The following PRPSAP2 variants were observed in gnomAD, a reference collection of about 807,000 sequenced individuals.
The protein encoded by PRPSAP2 is phosphoribosyl pyrophosphate synthase-associated protein 2.
A neutral mutation model predicts 40.6 loss-of-function variants in PRPSAP2; 24 were observed. That is an observed-to-expected ratio of 0.59 (90% CI 0.43 to 0.83). The LOEUF is 0.83. Among genes scored for constraint, PRPSAP2 ranks in the 40% least tolerant of loss-of-function variants. PRPSAP2 has a pLI of 0.00. For synonymous variants in PRPSAP2, 149 were observed against 164.7 expected (o/e 0.90, Z 0.73); for missense variants, 292 against 465.6 (o/e 0.63, Z 3.43).
At chr17:18,919,235 G>A (rs549110469) in intron 9 of PRPSAP2, among the ~76,000 whole-genome samples, 2 of 152,220 alleles carry the variant, frequency 1.3e-5, no homozygotes, top group Non-Finnish European at 2.9e-5. Context: ...GCGGCTGGGC[G>A]CAGTGGCTCA....
chr17:18,857,141 C>CT (rs537648784), upstream of PRPSAP2, among the ~76,000 whole-genome samples: 9 of 152,188 alleles, frequency 5.9e-5, no homozygotes, highest in South Asian at 1.9e-3. Flanking sequence ...TGAGAACAGC[C>CT]TGGCCAACAT....
intron 9 of PRPSAP2, among the ~76,000 whole-genome samples, chr17:18,914,105 T>C (rs961417046): frequency 6.6e-6 from 1 of 150,710 alleles, no homozygotes; most frequent in Non-Finnish European, 1.5e-5. Context: ...ACCAGGGAGT[T>C]GGAGGTTGCA....
chr17:18,866,028 T>C, intron 3 of PRPSAP2, 76 bp downstream of exon 3: 2 of 1,077,460 alleles, frequency 1.9e-6, no homozygotes, highest in Non-Finnish European at 2.4e-6. Context: ...TTAGCAGTTA[T>C]TGTTAAATTT....
chr17:18,872,991 GC>G (rs1224397511), intron 5 of PRPSAP2, among the ~76,000 whole-genome samples: 2 of 151,270 alleles, frequency 1.3e-5, no homozygotes, highest in African/African-American at 4.9e-5. Flanking sequence ...TACAGTTGGC[GC>G]CACCACGCCT....
rs574203117 is a variant in PRPSAP2 at position 18,899,519 on chromosome 17, G to GTTTTTTT, written c.584+9662_584+9668dup. 8.3e-5 allele frequency among the ~76,000 whole-genome samples: 5 copies of GTTTTTTT among 60,576 alleles called. 1 individual carries two copies. The South Asian group carries it at 2.5e-3, about 30-fold the overall frequency. The allele number at this position is 60,576 out of a possible 152,430, so 39.7% of individuals were successfully genotyped here. On this transcript the variant is annotated intron_variant, in intron 8 of 11. Coordinates refer to ENST00000268835, the MANE Select transcript of PRPSAP2 (RefSeq NM_002767.4). ...TCTGCTGTTGAGTATATCCAACTGA[G>GTTTTTTT]TTTTTTTTTTTTTTTTTTTTTTTTT... is the stretch of plus-strand genomic sequence containing the variant.
At chr17:18,881,041 C>T (rs1411529208) in intron 6 of PRPSAP2, among the ~76,000 whole-genome samples, 1 of 151,646 alleles carries the variant, frequency 6.6e-6, no homozygotes, top group African/African-American at 2.4e-5. Flanking sequence ...ACCGTGTTGG[C>T]CAGGCTGGTC....
intron 9 of PRPSAP2, among the ~76,000 whole-genome samples, chr17:18,914,272 T>C (rs2041160720): frequency 7.1e-6 from 1 of 141,534 alleles, no homozygotes; most frequent in Non-Finnish European, 1.5e-5. Context: ...TTTTTTTTTT[T>C]TTTGAGACAG....
chr17:18,916,404 T>A (rs1219222013), intron 9 of PRPSAP2, among the ~76,000 whole-genome samples: 2 of 151,068 alleles, frequency 1.3e-5, no homozygotes, highest in Non-Finnish European at 3.0e-5. Flanking sequence ...AGACGGAATT[T>A]CGCTCTTGTT....
intron 1 of PRPSAP2, among the ~76,000 whole-genome samples, chr17:18,862,244 A>G (rs80078248): frequency 0.076 from 11,515 of 152,298 alleles, 492 homozygotes; most frequent in Admixed American, 0.097. Flanking sequence ...TGTGGGCATC[A>G]GACCCTGGGG....
chr17:18,911,265 T>C lies in PRPSAP2; in HGVS notation c.733+14T>C. The C allele has an allele frequency of 1.9e-6, 3 of 1,593,342 alleles. No homozygotes were observed. The highest frequency in any genetic ancestry group is 2.6e-6 in the Non-Finnish European group (3 of 1,165,986). ...TGGAGATCCCCAGTAAGTGTGCTGC[T>C]GCCTCTTTCCCACTTTCCTCTGATT... On this transcript the variant is annotated intron_variant, in intron 9 of 11. Transcript: ENST00000268835. The surrounding 1 kb of genome is among the most constrained non-coding windows in gnomAD (Gnocchi z 4.5).
chr17:18,883,427 G>A (rs978463368), intron 7 of PRPSAP2, among the ~76,000 whole-genome samples: 2 of 148,534 alleles, frequency 1.3e-5, no homozygotes, highest in Admixed American at 1.3e-4. Flanking sequence ...TTGGTGGGGG[G>A]TGTGATGGAG....
chr17:18,913,737 A>C (rs554536234), intron 9 of PRPSAP2, among the ~76,000 whole-genome samples: 123 of 150,900 alleles, frequency 8.2e-4, no homozygotes, highest in Non-Finnish European at 1.6e-4. Flanking sequence ...TTGTAGAGAC[A>C]AAGTTTTACC....
In PRPSAP2 at chr17:18,869,655, A is replaced by G. The variant is rs945916570; in HGVS notation, c.172+2321A>G. Reference sequence around the variant, plus strand: ...AGTGCTGGGATTACAGGTGTGAGCTACACACACACACCCAGCCATAATTTT... The same window carrying G: ...AGTGCTGGGATTACAGGTGTGAGCTGCACACACACACCCAGCCATAATTTT... On this transcript the variant is annotated intron_variant, in intron 4 of 11. Transcript: ENST00000268835. Among the ~76,000 whole-genome samples the G allele has an allele frequency of 4.7e-5, 7 of 148,602 alleles. No individual in the cohort carries two copies. In the South Asian group the frequency reaches 6.3e-4, roughly 13 times the overall value.
At chr17:18,861,882 C>CG (rs2037045855) in intron 1 of PRPSAP2, among the ~76,000 whole-genome samples, 1 of 84,656 alleles carries the variant, frequency 1.2e-5, no homozygotes, top group Admixed American at 1.1e-4. Context: ...TCAGCATGTT[C>CG]TTTTGTTTGT....
intron 9 of PRPSAP2, among the ~76,000 whole-genome samples, chr17:18,916,570 C>T (rs546166676): frequency 1.3e-5 from 2 of 152,106 alleles, no homozygotes; most frequent in Non-Finnish European, 2.9e-5. Flanking sequence ...TTAGTAGAGA[C>T]AGAGTTTCTC....
At chr17:18,884,010 T>A (rs565822164) in intron 7 of PRPSAP2, among the ~76,000 whole-genome samples, 2 of 152,278 alleles carry the variant, frequency 1.3e-5, no homozygotes, top group African/African-American at 4.8e-5. Context: ...GGCTCACGCC[T>A]ATAATCCCAG....
chr17:18,892,135 G>A (rs1045360636), intron 8 of PRPSAP2, among the ~76,000 whole-genome samples: 10 of 152,192 alleles, frequency 6.6e-5, no homozygotes, highest in South Asian at 2.1e-4. Context: ...GATTACAGGC[G>A]TGAGCCACCG....
chr17:18,925,182 A>C (rs901633302), intron 10 of PRPSAP2, among the ~76,000 whole-genome samples: 19 of 152,190 alleles, frequency 1.2e-4, no homozygotes, highest in Non-Finnish European at 2.2e-4. Flanking sequence ...GCATCCTTTC[A>C]CACATCATAA....
chr17:18,893,252 G>A (rs1002658628), intron 8 of PRPSAP2, among the ~76,000 whole-genome samples: 3 of 149,798 alleles, frequency 2.0e-5, no homozygotes, highest in South Asian at 2.1e-4. Flanking sequence ...GGGTACAAGC[G>A]AGTCTCCTGC....
Sources: gnomAD v4.1 joint callset for allele counts (sites outside exome capture counted in the v4.1 genomes callset) on GRCh38, gnomAD v4.1.1 for gene constraint, Gnocchi (gnomAD v3.1) non-coding constraint, MANE v1.5 for transcripts, NCBI Gene and HGNC (gene_info 2026-07-23, HGNC 2026-07-21) for gene names.